The following EBF2 variants were observed in gnomAD, a reference collection of about 807,000 sequenced individuals.
The protein encoded by EBF2 is transcription factor COE2.
Under a neutral mutation model 72.8 loss-of-function variants are expected in EBF2, and 21 were observed. The ratio of observed to expected loss-of-function variants is 0.29; its 90% CI spans 0.20 to 0.42. The LOEUF (loss-of-function observed/expected upper bound fraction) is 0.42. Among genes scored for constraint, EBF2 ranks in the 10% least tolerant of loss-of-function variants. The pLI, the probability that EBF2 is intolerant of heterozygous loss-of-function variation, is 1.00. For synonymous variants in EBF2, 299 were observed against 274.2 expected, an observed-to-expected ratio of 1.09 and a Z score of -0.89; for missense variants, 637 against 731.2, an observed-to-expected ratio of 0.87 and a Z score of 1.49.
In EBF2 at chr8:25,844,568, T is replaced by A; in HGVS notation, c.*41A>T. The A allele has an allele frequency of 6.2e-7, 1 of 1,611,830 alleles. No individual in the cohort carries two copies. The highest frequency in any genetic ancestry group is 8.5e-7 in the Non-Finnish European group (1 of 1,177,954). On this transcript the variant is annotated 3_prime_UTR_variant, in exon 16 of 16. Coordinates refer to ENST00000520164, the MANE Select transcript of EBF2 (RefSeq NM_022659.4). ...TAGTGCTTTCTTCATTATTGGTCCA[T>A]CAGAGTAAGTAGTTTTGTGCTATAA...
chr8:25,874,618 G>T (rs1163284851), intron 10 of EBF2, among the ~76,000 whole-genome samples: 1 of 151,614 alleles, frequency 6.6e-6, no homozygotes, highest in Non-Finnish European at 1.5e-5. Context: ...CTGCTCCTTT[G>T]GTCCACCTTT....
At chr8:25,959,052 G>A (rs1044322407) in intron 6 of EBF2, among the ~76,000 whole-genome samples, 5 of 152,314 alleles carry the variant, frequency 3.3e-5, no homozygotes, top group Middle Eastern at 3.4e-3. Context: ...CAGACCCCGA[G>A]GGGAGGATGA....
chr8:25,862,972 T>C (rs1366853046), intron 10 of EBF2, among the ~76,000 whole-genome samples, 175 bp from the exon 11 acceptor site: 1 of 151,680 alleles, frequency 6.6e-6, no homozygotes, highest in Non-Finnish European at 1.5e-5. Flanking sequence ...ATAGTACTTT[T>C]ATAGTTTCCT....
intron 6 of EBF2, among the ~76,000 whole-genome samples, chr8:25,996,005 A>T (rs1414281014): frequency 6.6e-6 from 1 of 152,106 alleles, no homozygotes; most frequent in Non-Finnish European, 1.5e-5. Context: ...AAAAATAAAC[A>T]AGGTAGGGCC....
chr8:25,877,556 G>T (rs796583188), intron 10 of EBF2, among the ~76,000 whole-genome samples: 2 of 152,170 alleles, frequency 1.3e-5, no homozygotes, highest in Non-Finnish European at 2.9e-5. Flanking sequence ...GTTGGCAGTG[G>T]CAACCATGGG....
chr8:26,009,230 T>C (rs1391707107), intron 6 of EBF2, among the ~76,000 whole-genome samples: 1 of 151,906 alleles, frequency 6.6e-6, no homozygotes, highest in Non-Finnish European at 1.5e-5. Context: ...TGGCTGAACA[T>C]ACTTTGCCTG....
intron 15 of EBF2, among the ~76,000 whole-genome samples, chr8:25,845,737 G>A (rs368343686): frequency 3.3e-5 from 5 of 152,276 alleles, no homozygotes; most frequent in East Asian, 3.9e-4. Flanking sequence ...GGATAAGCCC[G>A]TGGGATTTTC....
Position 25,915,502 on chromosome 8 carries a change from G to A in EBF2, c.552-6947C>T, listed in dbSNP as rs73677427. Among the ~76,000 whole-genome samples the A allele has an allele frequency of 3.4e-3, 520 of 151,024 alleles. 3 individuals carry two copies. The highest frequency in any genetic ancestry group is 0.012 in the African/African-American group (499 of 41,162). On this transcript the variant is annotated intron_variant, in intron 6 of 15. Coordinates refer to ENST00000520164, the MANE Select transcript of EBF2 (RefSeq NM_022659.4). ...AAGTTCTGTGACTATTTTAGAGGACGCAAAGGAAAAGATAAATAAATCTAT... is the reference window on the plus strand; with the variant it reads ...AAGTTCTGTGACTATTTTAGAGGACACAAAGGAAAAGATAAATAAATCTAT...
In EBF2 at chr8:25,858,278, C is replaced by CA. The variant is rs773471627; in HGVS notation, c.1528+40dup. 2.5e-6 allele frequency: 4 copies of CA among 1,609,758 alleles called. No homozygotes were observed. The East Asian group carries it at 6.7e-5, about 27-fold the overall frequency. ...AAGGCCCAATAGTAAAACCCAGAGA[C>CA]AAAAAAGCATGGAGAGCCAAGTGAT... On this transcript the variant is annotated intron_variant, in intron 14 of 15. Coordinates refer to ENST00000520164, the MANE Select transcript of EBF2 (RefSeq NM_022659.4).
intron 6 of EBF2, among the ~76,000 whole-genome samples, chr8:25,949,565 G>C (rs12675517): frequency 0.27 from 41,146 of 151,962 alleles, 6,741 homozygotes; most frequent in East Asian, 0.78. Context: ...TTTGAAGTTG[G>C]TCCTCTCCAT....
intron 6 of EBF2, among the ~76,000 whole-genome samples, chr8:26,026,655 G>A (rs1488292944): frequency 6.6e-6 from 1 of 152,058 alleles, no homozygotes; most frequent in Non-Finnish European, 1.5e-5. Context: ...CTACTTCAGG[G>A]GCCAACAGCA....
chr8:26,039,949 C>T, intron 5 of EBF2, 79 bp downstream of exon 5: 1 of 1,517,602 alleles, frequency 6.6e-7, no homozygotes. Flanking sequence ...GAAAGTTAGT[C>T]CCGGGAACGC....
At chr8:25,915,172 A>G (rs917305398) in intron 6 of EBF2, among the ~76,000 whole-genome samples, 2 of 152,202 alleles carry the variant, frequency 1.3e-5, no homozygotes, top group African/African-American at 2.4e-5. Context: ...CAGAAAGGTT[A>G]AATGACTTGC....
intron 6 of EBF2, 41 bp from the exon 7 acceptor site, chr8:25,908,596 T>C: frequency 7.6e-7 from 1 of 1,316,878 alleles, no homozygotes; most frequent in East Asian, 2.3e-5. Context: ...TCAGTAAACA[T>C]TTTTAAAGGG....
intron 6 of EBF2, among the ~76,000 whole-genome samples, chr8:25,987,266 TAAAAC>T (rs1255336137): frequency 6.6e-6 from 1 of 152,190 alleles, no homozygotes; most frequent in African/African-American, 2.4e-5. Context: ...TTAAATAAAA[TAAAAC>T]ATGTATTGAG....
intron 10 of EBF2, among the ~76,000 whole-genome samples, chr8:25,882,506 A>G (rs1424628339): frequency 6.6e-6 from 1 of 152,192 alleles, no homozygotes; most frequent in African/African-American, 2.4e-5. Flanking sequence ...GAAATCTGCC[A>G]TGGTGAGAGT....
At chr8:25,938,322 A>G (rs1307205214) in intron 6 of EBF2, among the ~76,000 whole-genome samples, 1 of 150,442 alleles carries the variant, frequency 6.6e-6, no homozygotes, top group Non-Finnish European at 1.5e-5. Context: ...TTCTCCACCT[A>G]TTCTTAGTAA....
chr8:25,992,960 G>T (rs1172916743), intron 6 of EBF2, among the ~76,000 whole-genome samples: 1 of 151,986 alleles, frequency 6.6e-6, no homozygotes, highest in African/African-American at 2.4e-5. Flanking sequence ...AAGGGGAGCT[G>T]TGCTGGTCAA....
In EBF2 at chr8:26,026,914, T is replaced by C. The variant is rs1474770904; in HGVS notation, c.551+6171A>G. On this transcript the variant is annotated intron_variant, in intron 6 of 15. Transcript: ENST00000520164. ...GAGACTTTTATCAACCATTGAGAATTAAGATGATTTTACTAGCACAAATGT... is the reference window on the plus strand; with the variant it reads ...GAGACTTTTATCAACCATTGAGAATCAAGATGATTTTACTAGCACAAATGT... Among the ~76,000 whole-genome samples the C allele has an allele frequency of 2.6e-5, 4 of 152,316 alleles. 1 individual carries two copies. Among genetic ancestry groups the C allele is most frequent in the African/African-American group, 9.6e-5 (4 of 41,572 alleles).
Sources: gnomAD v4.1 joint callset for allele counts (sites outside exome capture counted in the v4.1 genomes callset) on GRCh38, gnomAD v4.1.1 for gene constraint, MANE v1.5 for transcripts, NCBI Gene and HGNC (gene_info 2026-07-23, HGNC 2026-07-21) for gene names.